FREM2: variants seen among roughly 807,000 people sequenced by gnomAD.
FREM2 encodes the protein FRAS1-related extracellular matrix protein 2.
In FREM2, 119 loss-of-function variants were observed where a neutral mutation model predicts 219.9. That is an observed-to-expected ratio of 0.54 (90% CI 0.47 to 0.63). The LOEUF (loss-of-function observed/expected upper bound fraction) is 0.63. Among genes scored for constraint, FREM2 ranks in the 30% least tolerant of loss-of-function variants. The pLI, the probability that FREM2 is intolerant of heterozygous loss-of-function variation, is 0.00. For synonymous variants in FREM2, 1,562 were observed against 1,522.8 expected (o/e 1.03, Z -0.60); for missense variants, 4,030 against 3,993.6 (o/e 1.01, Z -0.25).
chr13:38,878,019 G>A (rs1878401614), intron 21 of FREM2, 115 bp from the exon 22 acceptor site: 1 of 900,070 alleles, frequency 1.1e-6, no homozygotes, highest in Admixed American at 1.8e-5. Flanking sequence ...TTTGATAGTA[G>A]ATGAGGGTGG....
In FREM2 at chr13:38,691,872, C is replaced by T; in HGVS notation, c.4528C>T (p.Gln1510Ter). ...AGTGAAAATGGACAGTTTTGAGTTT[C>T]AAGTCACCGATGGACGTAACCCTGT... ...DEVKMDSFEF[Q>*]VTDGRNPVFR... is the part of the protein sequence containing the mutation. Residue 1510 changes from glutamine (Q) to a stop codon, truncating the protein, a stop_gained, in exon 1 of 24, where the codon CAA becomes TAA. Transcript: ENST00000280481. LOFTEE classifies it high-confidence loss of function. 1 of 1,614,132 alleles carries T rather than the reference C, an allele frequency of 6.2e-7. No homozygotes were observed. The highest frequency in any genetic ancestry group is 8.5e-7 in the Non-Finnish European group (1 of 1,180,034).
At chr13:38,705,792 T>G (rs536786283) in intron 2 of FREM2, among the ~76,000 whole-genome samples, 8 of 152,184 alleles carry the variant, frequency 5.3e-5, no homozygotes, top group Non-Finnish European at 1.2e-4. Flanking sequence ...CTGTTCTTTA[T>G]TTTTCTTTCT....
intron 1 of FREM2, among the ~76,000 whole-genome samples, chr13:38,694,487 GCT>G (rs1024889002): frequency 6.6e-6 from 1 of 152,140 alleles, no homozygotes; most frequent in African/African-American, 2.4e-5. Flanking sequence ...AGCTACCATG[GCT>G]CTTTTTCCAC....
Position 38,720,332 on chromosome 13 carries a change from A to G in FREM2, c.5263+22545A>G, listed in dbSNP as rs187138475. Among the ~76,000 whole-genome samples the G allele has an allele frequency of 1.9e-3, 282 of 152,342 alleles. 1 individual carries two copies. The highest frequency in any genetic ancestry group is 6.5e-3 in the African/African-American group (271 of 41,582). On this transcript the variant is annotated intron_variant, in intron 2 of 23. Coordinates refer to ENST00000280481, the MANE Select transcript of FREM2 (RefSeq NM_207361.6). ...ACTAGAATGGGATAGAGGTTTATCT[A>G]CAGAGACTGACACTAAATGTAGCCA...
chr13:38,804,556 G>A (rs1875147236), intron 6 of FREM2, among the ~76,000 whole-genome samples: 2 of 151,988 alleles, frequency 1.3e-5, no homozygotes, highest in Admixed American at 6.6e-5. Flanking sequence ...CTGTTTGAAA[G>A]GAAAAGCTAA....
In FREM2 at chr13:38,784,586, G is replaced by A. The variant is rs200700443; in HGVS notation, c.5797G>A (p.Val1933Met). The A allele has an allele frequency of 7.4e-6, 12 of 1,614,138 alleles. No individual in the cohort carries two copies. The highest frequency in any genetic ancestry group is 1.7e-5 in the Admixed American group (1 of 60,022). The change falls in exon 6 of 24, where the codon GTG becomes ATG. Residue 1933 changes from valine (V) to methionine (M), a missense_variant. Transcript: ENST00000280481. ...AGCAACTGGAACTGTGCCGACTTCC[G>A]TGTTGTCTTACTCTGATTACATATC... ...GTATGTVPTS[V>M]LSYSDYISRP...
At chr13:38,720,142 C>T (rs964411034) in intron 2 of FREM2, among the ~76,000 whole-genome samples, 1 of 152,136 alleles carries the variant, frequency 6.6e-6, no homozygotes, top group Admixed American at 6.5e-5. Flanking sequence ...TGTCATTTGG[C>T]CCACAGCTAG....
intron 2 of FREM2, among the ~76,000 whole-genome samples, chr13:38,714,282 A>AG (rs1290020892): frequency 6.6e-6 from 1 of 152,368 alleles, no homozygotes; most frequent in East Asian, 1.9e-4. Context: ...TCCTGAGTTA[A>AG]GGGATATGAC....
Position 38,848,609 on chromosome 13 carries a change from G to T in FREM2, c.6318G>T (p.Met2106Ile). 6.2e-7 allele frequency: 1 copy of T among 1,614,010 alleles called. No individual in the cohort carries two copies. The highest frequency in any genetic ancestry group is 1.7e-4 in the Middle Eastern group (1 of 6,058). Reference protein sequence around the residue: ...EKFELVLRMPMNAALGEPSKA... With the variant: ...EKFELVLRMPINAALGEPSKA... Reference sequence around the variant, plus strand: ...TTGAACTGGTGCTTCGCATGCCTATGAACGCAGCCCTTGGCGAGCCCAGCA... The same window carrying T: ...TTGAACTGGTGCTTCGCATGCCTATTAACGCAGCCCTTGGCGAGCCCAGCA... Residue 2106 changes from methionine to isoleucine, a missense_variant, in exon 8 of 24, where the codon ATG becomes ATT. Physicochemically the swap from Met to Ile is conservative, Grantham distance 10. Coordinates refer to ENST00000280481, the MANE Select transcript of FREM2 (RefSeq NM_207361.6).
rs150465577 is a variant in FREM2, at chr13:38,691,956, A to T, written c.4612A>T (p.Ile1538Phe). 12 of 1,614,234 alleles carry T rather than the reference A, an allele frequency of 7.4e-6. No homozygotes were observed. The East Asian group carries it at 2.2e-4, about 30-fold the overall frequency. Residue 1538 changes from isoleucine (I) to phenylalanine (F), a missense_variant, in exon 1 of 24, where the codon ATC (isoleucine) becomes TTC (phenylalanine). This residue lies in a region of FREM2 where 3,102 missense variants were observed against 2,950.7 expected (regional missense o/e 1.05). Transcript: ENST00000280481. Reference protein sequence around the residue: ...DVDNKKPVVTIHKLVVSESEN... With the variant: ...DVDNKKPVVTFHKLVVSESEN... ...GGACAATAAAAAGCCAGTGGTCACCATCCACAAGCTGGTTGTCAGTGAAAG... is the reference window on the plus strand; with the variant it reads ...GGACAATAAAAAGCCAGTGGTCACCTTCCACAAGCTGGTTGTCAGTGAAAG...
chr13:38,759,328 A>T (rs1003784685), intron 2 of FREM2, among the ~76,000 whole-genome samples: 1 of 152,162 alleles, frequency 6.6e-6, no homozygotes, highest in Non-Finnish European at 1.5e-5. Flanking sequence ...TTTATCAAAT[A>T]CAAGTCAAAA....
At chr13:38,850,864 CTT>C in intron 9 of FREM2, 78 bp from the exon 10 acceptor site, 3 of 1,526,192 alleles carry the variant, frequency 2.0e-6, no homozygotes, top group Non-Finnish European at 2.7e-6. Context: ...AATCAACAAA[CTT>C]GCCCTTATGG....
chr13:38,870,728 C>T (rs934881162), intron 16 of FREM2, among the ~76,000 whole-genome samples: 2 of 152,074 alleles, frequency 1.3e-5, no homozygotes, highest in African/African-American at 4.8e-5. Context: ...TGATCAAGCT[C>T]TAGTTTACCA....
Position 38,790,606 on chromosome 13 carries a change from C to G in FREM2, c.6019+5798C>G, listed in dbSNP as rs189333492. 1.6e-3 allele frequency among the ~76,000 whole-genome samples: 236 copies of G among 152,178 alleles called. 2 individuals are homozygous for G. Among genetic ancestry groups the G allele is most frequent in the African/African-American group, 5.4e-3 (224 of 41,530 alleles). On this transcript the variant is annotated intron_variant, in intron 6 of 23. Coordinates refer to ENST00000280481, the MANE Select transcript of FREM2 (RefSeq NM_207361.6). Reference sequence around the variant, plus strand: ...TCTAATACTAAATTGCCATTTGTACCATCAGTTCTCATGTCAGGAATACCA... The same window carrying G: ...TCTAATACTAAATTGCCATTTGTACGATCAGTTCTCATGTCAGGAATACCA...
At chr13:38,807,381 C>T (rs1385665133) in intron 6 of FREM2, among the ~76,000 whole-genome samples, 1 of 150,136 alleles carries the variant, frequency 6.7e-6, no homozygotes, top group Non-Finnish European at 1.5e-5. Flanking sequence ...GCCACCACAC[C>T]CAGCAAATTA....
At chr13:38,832,223 C>A (rs1593434394) in intron 6 of FREM2, among the ~76,000 whole-genome samples, 1 of 151,796 alleles carries the variant, frequency 6.6e-6, no homozygotes, top group Admixed American at 6.6e-5. Flanking sequence ...AAGATCTCAC[C>A]ACGGCACTCC....
intron 6 of FREM2, among the ~76,000 whole-genome samples, chr13:38,812,781 G>T (rs9603435): frequency 0.15 from 23,309 of 151,744 alleles, 2,096 homozygotes; most frequent in East Asian, 0.27. Context: ...TACTTGAGAG[G>T]CTGAGATGGG....
chr13:38,793,008 A>C (rs1874625416), intron 6 of FREM2, among the ~76,000 whole-genome samples: 1 of 152,250 alleles, frequency 6.6e-6, no homozygotes, highest in African/African-American at 2.4e-5. Context: ...GCCACTTGAA[A>C]GATTTCCTAG....
intron 7 of FREM2, among the ~76,000 whole-genome samples, chr13:38,848,152 T>A (rs2137908373): frequency 6.6e-6 from 1 of 152,316 alleles, no homozygotes; most frequent in Non-Finnish European, 1.5e-5. Context: ...CTAAGCCTGA[T>A]TTTTATTACC....
Sources: gnomAD v4.1 joint callset for allele counts (sites outside exome capture counted in the v4.1 genomes callset) on GRCh38, gnomAD v4.1.1 for gene constraint, gnomAD v4.1.1 regional missense constraint, MANE v1.5 for transcripts, NCBI Gene and HGNC (gene_info 2026-07-23, HGNC 2026-07-21) for gene names.